Variants in TBC1D1 observed in about 807,000 individuals in gnomAD.
TBC1D1 encodes TBC1 (tre-2/USP6, BUB2, cdc16) domain family, member 1.
In TBC1D1, 89 loss-of-function variants were observed where a neutral mutation model predicts 125.6. The ratio of observed to expected loss-of-function variants is 0.71; its 90% CI spans 0.60 to 0.85. The LOEUF is 0.85. Ranked by LOEUF, TBC1D1 falls within the 40% of genes least tolerant of loss-of-function variation. The pLI is 0.00. For synonymous variants in TBC1D1, 565 were observed against 564.1 expected (o/e 1.00, Z -0.02); for missense variants, 1,377 against 1,469.2 (o/e 0.94, Z 1.03).
intron 13 of TBC1D1, among the ~76,000 whole-genome samples, 196 bp from the exon 16 acceptor site, chr4:38,095,733 A>G (rs1442471033): frequency 2.0e-5 from 3 of 152,188 alleles, no homozygotes; most frequent in African/African-American, 7.2e-5. Flanking sequence ...GAGAAATCAC[A>G]TACCTCCTAG....
At chr4:37,981,624 G>A (rs1171011809) in intron 2 of TBC1D1, among the ~76,000 whole-genome samples, 1 of 152,184 alleles carries the variant, frequency 6.6e-6, no homozygotes, top group African/African-American at 2.4e-5. Context: ...GAGAGGGCAG[G>A]AAACATGCTC....
rs546073307 is a variant in TBC1D1, at chr4:38,014,425, C to G, written c.418-84C>G. ...CTCCGCAGTGGAGTAGCCAGCGGGGCGTCCCGAAAGAGCATGGTGCATTCA... is the reference window on the plus strand; with the variant it reads ...CTCCGCAGTGGAGTAGCCAGCGGGGGGTCCCGAAAGAGCATGGTGCATTCA... On this transcript the variant is annotated intron_variant, in intron 2 of 19. Coordinates refer to ENST00000261439, the MANE Select transcript of TBC1D1 (RefSeq NM_015173.4). The surrounding 1 kb of genome is among the most constrained non-coding windows in gnomAD (Gnocchi z 5.1). 4.4e-6 allele frequency: 6 copies of G among 1,368,252 alleles called. No individual in the cohort carries two copies. The South Asian group carries it at 7.8e-5, about 18-fold the overall frequency. The allele number at this position is 1,368,252 out of a possible 1,614,324, so 84.8% of individuals were successfully genotyped here.
intron 12 of TBC1D1, among the ~76,000 whole-genome samples, chr4:38,085,973 T>TG (rs1757414353): frequency 1.3e-5 from 2 of 152,332 alleles, no homozygotes; most frequent in South Asian, 4.1e-4. Context: ...CAAAGCCTTG[T>TG]GCCCAGTCTG....
chr4:38,036,025 T>C (rs762264118), intron 8 of TBC1D1, among the ~76,000 whole-genome samples: 129 of 152,286 alleles, frequency 8.5e-4, no homozygotes, highest in Non-Finnish European at 9.4e-4. Flanking sequence ...CTCGCCTTTC[T>C]TCTTTGTAAA....
intron 3 of TBC1D1, among the ~76,000 whole-genome samples, 183 bp downstream of exon 3, chr4:38,015,156 T>G (rs1191926549): frequency 6.6e-6 from 1 of 152,166 alleles, no homozygotes. Context: ...GCCTTTACAG[T>G]CATCAGGGAG....
At chr4:38,041,949 G>A (rs1474647373) in intron 8 of TBC1D1, among the ~76,000 whole-genome samples, 4 of 152,168 alleles carry the variant, frequency 2.6e-5, no homozygotes, top group Non-Finnish European at 5.9e-5. Flanking sequence ...CAAGGCAGGT[G>A]GATCATTTAA....
intron 12 of TBC1D1, among the ~76,000 whole-genome samples, chr4:38,058,356 A>G (rs183036752): frequency 3.5e-4 from 53 of 152,282 alleles, no homozygotes; most frequent in Admixed American, 1.2e-3. Flanking sequence ...ATCCAAAGAC[A>G]GTTTAGAGCT....
At chr4:37,961,189 C>T (rs1729971064) in intron 2 of TBC1D1, 1 of 861,002 alleles carries the variant, frequency 1.2e-6, no homozygotes, top group African/African-American at 1.7e-5. Context: ...TATATTTCTT[C>T]CATACTACAG....
intron 2 of TBC1D1, among the ~76,000 whole-genome samples, chr4:38,001,880 G>A (rs1739164643): frequency 6.6e-6 from 1 of 152,186 alleles, no homozygotes; most frequent in Non-Finnish European, 1.5e-5. Flanking sequence ...AAATATGGCA[G>A]TAAGCACTTA....
At chr4:37,970,351 T>G (rs1731792330) in intron 2 of TBC1D1, among the ~76,000 whole-genome samples, 2 of 152,246 alleles carry the variant, frequency 1.3e-5, no homozygotes, top group Admixed American at 1.3e-4. Flanking sequence ...TGATTGCATA[T>G]CATCAAACTT....
At chr4:38,062,631 G>A (rs1433755624) in intron 12 of TBC1D1, among the ~76,000 whole-genome samples, 1 of 45,704 alleles carries the variant, frequency 2.2e-5, no homozygotes, top group African/African-American at 8.8e-5. Context: ...ACCCTGCGCC[G>A]CCCCCACACC....
intron 7 of TBC1D1, among the ~76,000 whole-genome samples, chr4:38,033,429 G>C (rs187071002): frequency 6.6e-6 from 1 of 152,012 alleles, no homozygotes; most frequent in Admixed American, 6.6e-5. Context: ...CAGGAAAATT[G>C]GGTGAAAAGT....
chr4:38,107,974 G>A (rs1209793680), intron 15 of TBC1D1, among the ~76,000 whole-genome samples: 1 of 152,166 alleles, frequency 6.6e-6, no homozygotes, highest in African/African-American at 2.4e-5. Flanking sequence ...GATCACACCA[G>A]CCAGAGGCAA....
At chr4:38,093,522 C>G (rs968136821) in intron 13 of TBC1D1, among the ~76,000 whole-genome samples, 1 of 149,450 alleles carries the variant, frequency 6.7e-6, no homozygotes, top group South Asian at 2.2e-4. Context: ...GCCGTTTTCC[C>G]CCCCCTTTTT....
At chr4:38,103,354 T>A (rs1760704454) in intron 15 of TBC1D1, among the ~76,000 whole-genome samples, 197 bp downstream of exon 17, 1 of 152,208 alleles carries the variant, frequency 6.6e-6, no homozygotes, top group Non-Finnish European at 1.5e-5. Flanking sequence ...GTATTTTCAC[T>A]GGGGAGCTTG....
At chr4:38,062,420 GGAA>G (rs1030897141) in intron 12 of TBC1D1, among the ~76,000 whole-genome samples, 1 of 152,126 alleles carries the variant, frequency 6.6e-6, no homozygotes, top group Non-Finnish European at 1.5e-5. Flanking sequence ...GGCAAAACAC[GGAA>G]GAAAAAAGTT....
chr4:37,998,789 A>G (rs761777656), intron 2 of TBC1D1, among the ~76,000 whole-genome samples: 17 of 152,230 alleles, frequency 1.1e-4, no homozygotes, highest in Non-Finnish European at 1.6e-4. Context: ...CCTCTGGCAC[A>G]CAGTGGGCCT....
chr4:37,915,798 T>G (rs534150998), intron 2 of TBC1D1, among the ~76,000 whole-genome samples: 2 of 152,294 alleles, frequency 1.3e-5, no homozygotes, highest in South Asian at 4.1e-4. Flanking sequence ...GATTTTGTTC[T>G]TAGAAGCCAC....
intron 2 of TBC1D1, among the ~76,000 whole-genome samples, chr4:37,983,912 C>T (rs2152375142): frequency 6.6e-6 from 1 of 152,298 alleles, no homozygotes; most frequent in Non-Finnish European, 1.5e-5. Flanking sequence ...TTCATCCCTC[C>T]CTTCCTATAA....
Sources: gnomAD v4.1 joint callset for allele counts (sites outside exome capture counted in the v4.1 genomes callset) on GRCh38, gnomAD v4.1.1 for gene constraint, Gnocchi (gnomAD v3.1) non-coding constraint, MANE v1.5 for transcripts, NCBI Gene and HGNC (gene_info 2026-07-23, HGNC 2026-07-21) for gene names.